Variants in NHEJ1 observed in about 807,000 individuals in gnomAD.
The protein encoded by NHEJ1 is non-homologous end joining factor 1.
A neutral mutation model predicts 39.4 loss-of-function variants in NHEJ1; 22 were observed. The observed-to-expected ratio is 0.56, with a 90% CI of 0.40 to 0.80. The LOEUF (loss-of-function observed/expected upper bound fraction) is 0.80. NHEJ1 is among the 30% of genes least tolerant of loss of function. The pLI is 0.00. For missense variants in NHEJ1, 329 were observed against 357.1 expected (o/e 0.92, Z 0.63); for synonymous variants, 154 against 135.6 (o/e 1.14, Z -0.94).
chr2:219,137,579 A>AAC (rs1949644467), intron 5 of NHEJ1, among the ~76,000 whole-genome samples: 2 of 141,154 alleles, frequency 1.4e-5, no homozygotes, highest in South Asian at 4.7e-4. Flanking sequence ...GCAAAAAAAA[A>AAC]AAAAAAAAAA....
At position 219,077,440 on chromosome 2, in the gene NHEJ1, C is replaced by A. The variant is rs1050806353; in HGVS notation, c.707-76G>T. 3.5e-6 allele frequency: 4 copies of A among 1,152,950 alleles called. No individual in the cohort carries two copies. The South Asian group carries it at 4.9e-5, about 14-fold the overall frequency. 71.4% of individuals were successfully genotyped at this position (1,152,950 alleles called of 1,614,324 possible). On this transcript the variant is annotated intron_variant, in intron 6 of 7. Coordinates refer to ENST00000356853, the MANE Select transcript of NHEJ1 (RefSeq NM_024782.3). Reference sequence around the variant, plus strand: ...CAGGAAGATATTAGCATTCACCAAGCATTCTGATAAAGGCCAGGGTTTGGT... The same window carrying A: ...CAGGAAGATATTAGCATTCACCAAGAATTCTGATAAAGGCCAGGGTTTGGT...
At position 219,072,389 on chromosome 2, in the gene NHEJ1, C is replaced by T. The variant is rs539224215; in HGVS notation, c.*3992G>A. On this transcript the variant is annotated 3_prime_UTR_variant, in exon 8 of 8. Coordinates refer to ENST00000356853, the MANE Select transcript of NHEJ1 (RefSeq NM_024782.3). ...CATTTATGGATATTAGTAACAGAGA[C>T]GAGGAACCAAGGTTCTTGAGCTCTG... is the stretch of plus-strand genomic sequence containing the variant. 7.2e-5 allele frequency among the ~76,000 whole-genome samples: 11 copies of T among 152,132 alleles called. No individual in the cohort carries two copies. Among genetic ancestry groups the T allele is most frequent in the East Asian group, 3.8e-4 (2 of 5,202 alleles).
intron 5 of NHEJ1, among the ~76,000 whole-genome samples, chr2:219,085,084 T>C (rs535030670): frequency 1.3e-5 from 2 of 152,334 alleles, no homozygotes; most frequent in South Asian, 2.1e-4. Context: ...AAGGGCTATC[T>C]GGAAAACACA....
intron 5 of NHEJ1, among the ~76,000 whole-genome samples, chr2:219,089,671 T>C (rs1229758689): frequency 1.3e-5 from 2 of 152,252 alleles, no homozygotes; most frequent in Non-Finnish European, 2.9e-5. Context: ...TATGGTTGCA[T>C]AACCTTGTGA....
chr2:219,119,056 T>C (rs369327532), intron 5 of NHEJ1, among the ~76,000 whole-genome samples: 17 of 152,186 alleles, frequency 1.1e-4, no homozygotes, highest in East Asian at 7.7e-4. Flanking sequence ...ACTTTCCCTG[T>C]CTTCCTCTGC....
chr2:219,157,411 A>G, intron 3 of NHEJ1, 61 bp downstream of exon 3: 2 of 1,453,514 alleles, frequency 1.4e-6, no homozygotes, highest in Non-Finnish European at 1.9e-6. Context: ...AAAAGCACCT[A>G]AAGCTTCCTC....
intron 5 of NHEJ1, among the ~76,000 whole-genome samples, chr2:219,117,226 C>T (rs1356148833): frequency 6.6e-6 from 1 of 152,184 alleles, no homozygotes; most frequent in Non-Finnish European, 1.5e-5. Context: ...AACCCTTCTC[C>T]ACCCCTTCAT....
At chr2:219,108,483 T>C (rs1478778122) in intron 5 of NHEJ1, among the ~76,000 whole-genome samples, 2 of 152,196 alleles carry the variant, frequency 1.3e-5, no homozygotes, top group Non-Finnish European at 2.9e-5. Flanking sequence ...CTAGGGTCTA[T>C]TTGTTAGATT....
intron 5 of NHEJ1, among the ~76,000 whole-genome samples, chr2:219,080,081 C>T (rs999076597): frequency 6.6e-6 from 1 of 152,208 alleles, no homozygotes; most frequent in Non-Finnish European, 1.5e-5. Context: ...GCTAGAAATG[C>T]TGCACCTGGG....
At chr2:219,157,772 A>T in intron 2 of NHEJ1, 88 bp from the exon 3 acceptor site, 1 of 1,079,516 alleles carries the variant, frequency 9.3e-7, no homozygotes, top group South Asian at 1.3e-5. Flanking sequence ...CCTGGTTAAC[A>T]CGAAGGCAAT....
At chr2:219,130,228 T>C (rs1949565365) in intron 5 of NHEJ1, among the ~76,000 whole-genome samples, 1 of 152,150 alleles carries the variant, frequency 6.6e-6, no homozygotes, top group Non-Finnish European at 1.5e-5. Flanking sequence ...GAGAGACCTA[T>C]ATTTATATAT....
chr2:219,149,262 TATG>T (rs1309121735), intron 3 of NHEJ1, among the ~76,000 whole-genome samples: 1 of 152,144 alleles, frequency 6.6e-6, no homozygotes, highest in African/African-American at 2.4e-5. Flanking sequence ...GATACTCTCA[TATG>T]ATAATGTATA....
At chr2:219,153,707 A>AG (rs1559204185) in intron 3 of NHEJ1, among the ~76,000 whole-genome samples, 2 of 47,258 alleles carry the variant, frequency 4.2e-5, no homozygotes, top group Non-Finnish European at 1.1e-4. Flanking sequence ...GGGGGGGTGG[A>AG]GAGAGAGAGA....
intron 5 of NHEJ1, among the ~76,000 whole-genome samples, chr2:219,081,352 TAAGTA>T (rs1949065546): frequency 6.6e-6 from 1 of 151,334 alleles, no homozygotes; most frequent in African/African-American, 2.4e-5. Context: ...GAGTCAGGAG[TAAGTA>T]AAGTAAATAG....
intron 5 of NHEJ1, among the ~76,000 whole-genome samples, chr2:219,122,511 A>T (rs1949481246): frequency 1.3e-5 from 2 of 152,178 alleles, no homozygotes; most frequent in Admixed American, 1.3e-4. Flanking sequence ...ACCTAAACCC[A>T]GTGGTATTCA....
intron 5 of NHEJ1, among the ~76,000 whole-genome samples, chr2:219,088,475 A>C (rs769599887): frequency 4.6e-5 from 7 of 152,164 alleles, no homozygotes; most frequent in Non-Finnish European, 8.8e-5. Context: ...CCTGGGCAAC[A>C]GAGTGAGACC....
At chr2:219,103,776 G>C (rs1435446389) in intron 5 of NHEJ1, among the ~76,000 whole-genome samples, 1 of 152,174 alleles carries the variant, frequency 6.6e-6, no homozygotes, top group Non-Finnish European at 1.5e-5. Context: ...AGCCAGGTAG[G>C]TTAAGTAAGT....
chr2:219,141,982 A>G (rs1021572355), intron 5 of NHEJ1, among the ~76,000 whole-genome samples: 2 of 152,204 alleles, frequency 1.3e-5, no homozygotes, highest in Admixed American at 6.5e-5. Context: ...TAAGAGCAGC[A>G]GTGACTCTCT....
Position 219,074,155 on chromosome 2 carries a change from G to A in NHEJ1, c.*2226C>T, listed in dbSNP as rs1312445698. ...AGACAGCAACCTTTGGGGATGATGG[G>A]GGCAGTGGATGGAAGGTTACTAGCT... On this transcript the variant is annotated 3_prime_UTR_variant, in exon 8 of 8. Coordinates refer to ENST00000356853, the MANE Select transcript of NHEJ1 (RefSeq NM_024782.3). Among the ~76,000 whole-genome samples, 1 of 152,204 alleles carries A rather than the reference G, an allele frequency of 6.6e-6. No individual in the cohort carries two copies. The highest frequency in any genetic ancestry group is 2.4e-5 in the African/African-American group (1 of 41,444).
Sources: allele counts gnomAD v4.1 joint callset (sites outside exome capture counted in the v4.1 genomes callset), GRCh38; gene constraint gnomAD v4.1.1; transcripts MANE v1.5; gene names NCBI Gene and HGNC (gene_info 2026-07-23, HGNC 2026-07-21).